Variants in MAPK4 observed in about 807,000 individuals in gnomAD.
The protein encoded by MAPK4 is mitogen-activated protein kinase 4.
Under a neutral mutation model 47.7 loss-of-function variants are expected in MAPK4, and 22 were observed. The observed-to-expected ratio is 0.46, with a 90% CI of 0.33 to 0.66. The LOEUF (loss-of-function observed/expected upper bound fraction) is 0.66, where lower values mean the gene tolerates loss of function less well. Ranked by LOEUF, MAPK4 falls within the 30% of genes least tolerant of loss-of-function variation. The probability of loss-of-function intolerance (pLI) is 0.02; values close to 1 mark genes in which losing one functional copy is unlikely to be tolerated. For synonymous variants in MAPK4, 390 were observed against 365.7 expected (o/e 1.07, Z -0.76); for missense variants, 736 against 831.7 (o/e 0.88, Z 1.42).
At position 50,564,182 on chromosome 18, in the gene MAPK4, C is replaced by T. The variant is rs79425938; in HGVS notation, c.-871+3939C>T. ...TCTGTGAGCCACCTGTCAGCTTGGC[C>T]CTCATACATTCCACTCCAAAGTTTA... On this transcript the variant is annotated intron_variant, in intron 1 of 5. Transcript: ENST00000400384. 4.7e-3 allele frequency among the ~76,000 whole-genome samples: 719 copies of T among 151,702 alleles called. 5 individuals carry two copies. The highest frequency in any genetic ancestry group is 0.016 in the African/African-American group (662 of 41,334).
Position 50,702,519 on chromosome 18 carries a change from G to A in MAPK4, c.547-12560G>A, listed in dbSNP as rs187304284. 2.9e-3 allele frequency among the ~76,000 whole-genome samples: 444 copies of A among 152,352 alleles called. 2 individuals carry two copies. The highest frequency in any genetic ancestry group is 8.9e-3 in the African/African-American group (370 of 41,580). Reference sequence around the variant, plus strand: ...TAAAAATGTTATTTTTATGAATGGTGTGGTGTTTGTAGTATTTGCCAGCTT... The same window carrying A: ...TAAAAATGTTATTTTTATGAATGGTATGGTGTTTGTAGTATTTGCCAGCTT... On this transcript the variant is annotated intron_variant, in intron 2 of 5. Transcript: ENST00000400384.
chr18:50,664,117 G>A lies in MAPK4; in HGVS notation c.159G>A (p.Leu53=), dbSNP rs983563131. ...AGGTCGCTGTGAAGAAGATTGCCCT[G>A]AGCGATGCCCGCAGCATGAAGCACG... The part of the protein sequence containing the change: ...CRKVAVKKIA[L]SDARSMKHAL... The change falls in exon 2 of 6, where the codon CTG becomes CTA. Residue 53 remains leucine (L), a synonymous_variant. Coordinates refer to ENST00000400384, the MANE Select transcript of MAPK4 (RefSeq NM_002747.4). This position sits in a 1 kb window ranked among gnomAD's most constrained non-coding sequence, Gnocchi z 6.0. 6.2e-7 allele frequency: 1 copy of A among 1,614,024 alleles called. No individual in the cohort carries two copies. The highest frequency in any genetic ancestry group is 8.5e-7 in the Non-Finnish European group (1 of 1,180,060).
At position 50,663,744 on chromosome 18, in the gene MAPK4, C is replaced by G. The variant is rs1434375123; in HGVS notation, c.-215C>G. The G allele has an allele frequency of 1.0e-5, 5 of 486,436 alleles. No individual in the cohort carries two copies. Among genetic ancestry groups the G allele is most frequent in the African/African-American group, 1.9e-5 (1 of 52,066 alleles). 30.1% of individuals were successfully genotyped at this position (486,436 alleles called of 1,614,324 possible). Reference sequence around the variant, plus strand: ...GCCCTCCCAATGCAGGTTAAGACGACAGCCTGCGCCCCCAACTAGCACAGC... The same window carrying G: ...GCCCTCCCAATGCAGGTTAAGACGAGAGCCTGCGCCCCCAACTAGCACAGC... On this transcript the variant is annotated 5_prime_UTR_variant, in exon 2 of 6. Transcript: ENST00000400384.
Position 50,730,039 on chromosome 18 carries a change from T to G in MAPK4, c.*185T>G. Reference sequence around the variant, plus strand: ...GCCTTAATAACTAGCCTTTAACCTGTGGGAGCGGGTTTGAACAGGACCCTG... The same window carrying G: ...GCCTTAATAACTAGCCTTTAACCTGGGGGAGCGGGTTTGAACAGGACCCTG... On this transcript the variant is annotated 3_prime_UTR_variant, in exon 6 of 6. Coordinates refer to ENST00000400384, the MANE Select transcript of MAPK4 (RefSeq NM_002747.4). The G allele has an allele frequency of 1.7e-6, 1 of 589,566 alleles. No homozygotes were observed. The highest frequency in any genetic ancestry group is 2.8e-6 in the Non-Finnish European group (1 of 360,726). The allele number at this position is 589,566 out of a possible 1,614,324, so 36.5% of individuals were successfully genotyped here.
rs572195003 is a variant in MAPK4, at chr18:50,615,602, T to C, written c.-870-47487T>C. Among the ~76,000 whole-genome samples, 32 of 152,234 alleles carry C rather than the reference T, an allele frequency of 2.1e-4. No individual in the cohort carries two copies. The South Asian group carries it at 3.1e-3, about 15-fold the overall frequency. On this transcript the variant is annotated intron_variant, in intron 1 of 5. Transcript: ENST00000400384. ...GGTCATAAACAGCTGAGAGATGGAG[T>C]TTTCCATGGGTGGCCTAGGGTCTAA... is the stretch of plus-strand genomic sequence containing the variant.
At chr18:50,636,330 T>C (rs1179136026) in intron 1 of MAPK4, among the ~76,000 whole-genome samples, 1 of 152,230 alleles carries the variant, frequency 6.6e-6, no homozygotes, top group Non-Finnish European at 1.5e-5. Flanking sequence ...CCCACCTGAC[T>C]GAAGCCCCAA....
chr18:50,590,344 T>C (rs1041994913), intron 1 of MAPK4, among the ~76,000 whole-genome samples: 6 of 152,198 alleles, frequency 3.9e-5, no homozygotes, highest in African/African-American at 1.4e-4. Context: ...CTAGGAAATA[T>C]GTTTTTACCC....
At chr18:50,704,537 A>G (rs1397150263) in intron 2 of MAPK4, 4 of 398,486 alleles carry the variant, frequency 1.0e-5, no homozygotes. Flanking sequence ...TAGTCTACTG[A>G]TTGCATCACA....
intron 1 of MAPK4, among the ~76,000 whole-genome samples, chr18:50,588,089 GA>G (rs2042404365): frequency 6.9e-6 from 1 of 144,874 alleles, no homozygotes; most frequent in Non-Finnish European, 1.5e-5. Context: ...GTAGAACGAA[GA>G]GGCATTGCTA....
chr18:50,586,828 G>A (rs1472182688), intron 1 of MAPK4, among the ~76,000 whole-genome samples: 3 of 152,066 alleles, frequency 2.0e-5, no homozygotes, highest in African/African-American at 4.8e-5. Flanking sequence ...TATATGCTTG[G>A]TAATATTAAA....
intron 2 of MAPK4, chr18:50,704,686 G>A: frequency 2.5e-6 from 1 of 398,706 alleles, no homozygotes; most frequent in Non-Finnish European, 4.4e-6. Flanking sequence ...GAAGAGGCTG[G>A]AATCGGAGGG....
intron 2 of MAPK4, among the ~76,000 whole-genome samples, chr18:50,685,693 T>C (rs1237888202): frequency 6.6e-6 from 1 of 152,160 alleles, no homozygotes; most frequent in Non-Finnish European, 1.5e-5. Flanking sequence ...ATCAAGCCAG[T>C]CCTCACACCA....
intron 2 of MAPK4, among the ~76,000 whole-genome samples, chr18:50,688,630 T>C (rs764449591): frequency 6.6e-6 from 1 of 151,774 alleles, no homozygotes; most frequent in Non-Finnish European, 1.5e-5. Flanking sequence ...GTGAAGTAAC[T>C]CAGGAATGGA....
chr18:50,677,339 T>C (rs549521105), intron 2 of MAPK4, among the ~76,000 whole-genome samples: 207 of 152,288 alleles, frequency 1.4e-3, no homozygotes, highest in Middle Eastern at 6.8e-3. Flanking sequence ...ATATGTAAAA[T>C]GAACATTCAT....
In MAPK4 at chr18:50,729,288, G is replaced by C; in HGVS notation, c.1198G>C (p.Asp400His). 1 of 1,609,066 alleles carries C rather than the reference G, an allele frequency of 6.2e-7. No homozygotes were observed. The highest frequency in any genetic ancestry group is 2.2e-5 in the East Asian group (1 of 44,764). The change falls in exon 6 of 6, where the codon GAC (aspartate) becomes CAC (histidine). Residue 400 changes from aspartate to histidine, a missense_variant. Coordinates refer to ENST00000400384, the MANE Select transcript of MAPK4 (RefSeq NM_002747.4). ...AEDVQVDPRK[D>H]SHSSSERFLE... ...GGACGTGCAGGTGGACCCGCGCAAGGACTCGCACAGCAGCTCCGAGCGCTT... is the reference window on the plus strand; with the variant it reads ...GGACGTGCAGGTGGACCCGCGCAAGCACTCGCACAGCAGCTCCGAGCGCTT...
chr18:50,697,049 G>A (rs949180129), intron 2 of MAPK4, among the ~76,000 whole-genome samples: 2 of 152,080 alleles, frequency 1.3e-5, no homozygotes, highest in African/African-American at 4.8e-5. Context: ...CATTACACAT[G>A]CACATTGTCT....
At chr18:50,579,802 C>G (rs745915798) in intron 1 of MAPK4, among the ~76,000 whole-genome samples, 12 of 152,104 alleles carry the variant, frequency 7.9e-5, no homozygotes, top group Admixed American at 3.9e-4. Flanking sequence ...CAGTTGCACA[C>G]CAGGTGTGCA....
At chr18:50,602,249 A>G (rs1012700302) in intron 1 of MAPK4, among the ~76,000 whole-genome samples, 1 of 152,210 alleles carries the variant, frequency 6.6e-6, no homozygotes, top group Non-Finnish European at 1.5e-5. Context: ...CAACTGTTTA[A>G]CTTATTTAAC....
At chr18:50,713,326 C>T (rs1197182396) in intron 2 of MAPK4, among the ~76,000 whole-genome samples, 2 of 152,188 alleles carry the variant, frequency 1.3e-5, no homozygotes, top group African/African-American at 2.4e-5. Context: ...TTTGTTGGAA[C>T]AAGATAAGGC....
Sources: gnomAD v4.1 joint callset for allele counts (sites outside exome capture counted in the v4.1 genomes callset) on GRCh38, gnomAD v4.1.1 for gene constraint, Gnocchi (gnomAD v3.1) non-coding constraint, MANE v1.5 for transcripts, NCBI Gene and HGNC (gene_info 2026-07-23, HGNC 2026-07-21) for gene names.